GREB1L: variants seen among roughly 807,000 people sequenced by gnomAD.
The protein encoded by GREB1L is GREB1-like protein.
In GREB1L, 17 loss-of-function variants were observed where a neutral mutation model predicts 200.8. That is an observed-to-expected ratio of 0.08 (90% confidence interval 0.06 to 0.13). GREB1L has a LOEUF of 0.13. Among genes scored for constraint, GREB1L ranks in the 10% least tolerant of loss-of-function variants. The pLI, the probability that GREB1L is intolerant of heterozygous loss-of-function variation, is 1.00. For synonymous variants in GREB1L, 789 were observed against 893.0 expected, an observed-to-expected ratio of 0.88 and a Z score of 2.08; for missense variants, 1,657 against 2,367.7, an observed-to-expected ratio of 0.70 and a Z score of 6.23.
At chr18:21,367,904 C>A (rs1057369066) in intron 2 of GREB1L, among the ~76,000 whole-genome samples, 18 of 152,204 alleles carry the variant, frequency 1.2e-4, no homozygotes, top group Middle Eastern at 3.4e-3. Context: ...CTCAAGAGAC[C>A]GCTTATATGA....
At chr18:21,454,226 A>G (rs2034653197) in intron 14 of GREB1L, 140 bp from the exon 15 acceptor site, 1 of 635,890 alleles carries the variant, frequency 1.6e-6, no homozygotes, top group African/African-American at 1.8e-5. Flanking sequence ...AACTCAATAG[A>G]GAGTGCAAAT....
chr18:21,363,279 T>TCCCCCCCCCC (rs71369899), intron 1 of GREB1L, among the ~76,000 whole-genome samples: 1 of 5,022 alleles, frequency 2.0e-4, no homozygotes, highest in Non-Finnish European at 3.6e-4. Flanking sequence ...CCACTCCGCC[T>TCCCCCCCCCC]CCCCCCCGCC....
rs373406570 is a variant in GREB1L at position 21,492,356 on chromosome 18, GAAAGAA to G, written c.3030+2018_3030+2023del. Among the ~76,000 whole-genome samples, 105 of 151,598 alleles carry G rather than the reference GAAAGAA, an allele frequency of 6.9e-4. 1 individual carries two copies. In the East Asian group the frequency reaches 0.011, roughly 16 times the overall value. On this transcript the variant is annotated intron_variant, in intron 19 of 32. Coordinates refer to ENST00000424526, the MANE Select transcript of GREB1L (RefSeq NM_001142966.3). ...GCAAGACTCTGTCTCAAAAAAAAAA[GAAAGAA>G]AAAGAAAAAGAATTTGGAAAGGCGG... is the stretch of plus-strand genomic sequence containing the variant.
intron 1 of GREB1L, among the ~76,000 whole-genome samples, chr18:21,302,267 AG>A (rs2038629019): frequency 6.6e-6 from 1 of 152,244 alleles, no homozygotes; most frequent in Non-Finnish European, 1.5e-5. Flanking sequence ...AATAGTAAGT[AG>A]TAGTATGCTT....
At chr18:21,305,151 T>G (rs1468931967) in intron 1 of GREB1L, among the ~76,000 whole-genome samples, 1 of 152,080 alleles carries the variant, frequency 6.6e-6, no homozygotes, top group Non-Finnish European at 1.5e-5. Context: ...AATTTCTGTA[T>G]TTTTAGTAGA....
intron 2 of GREB1L, among the ~76,000 whole-genome samples, chr18:21,371,568 A>C (rs1278198837): frequency 6.6e-6 from 1 of 151,324 alleles, no homozygotes; most frequent in African/African-American, 2.4e-5. Flanking sequence ...TGGGCGGATC[A>C]TGAGATCAGG....
At chr18:21,321,230 G>T (rs1386452530) in intron 1 of GREB1L, among the ~76,000 whole-genome samples, 1 of 151,982 alleles carries the variant, frequency 6.6e-6, no homozygotes, top group East Asian at 1.9e-4. Context: ...GGGAGGTGGA[G>T]GTTTCAGTGA....
chr18:21,282,025 C>A (rs2038277955), intron 1 of GREB1L, among the ~76,000 whole-genome samples: 1 of 152,026 alleles, frequency 6.6e-6, no homozygotes, highest in Non-Finnish European at 1.5e-5. Context: ...GTAATCCCAG[C>A]ACTTTGGGAG....
chr18:21,417,659 TAGC>T (rs933649801), intron 7 of GREB1L, among the ~76,000 whole-genome samples: 1 of 152,082 alleles, frequency 6.6e-6, no homozygotes, highest in East Asian at 1.9e-4. Flanking sequence ...ATGGACTTGA[TAGC>T]AGATGAAAAT....
chr18:21,462,283 A>T (rs1188747934), intron 15 of GREB1L, among the ~76,000 whole-genome samples: 6 of 152,260 alleles, frequency 3.9e-5, no homozygotes, highest in Non-Finnish European at 8.8e-5. Context: ...GTGATAAATT[A>T]AGTTAGTAAG....
chr18:21,399,563 T>G (rs2041231709), intron 5 of GREB1L, among the ~76,000 whole-genome samples: 1 of 152,040 alleles, frequency 6.6e-6, no homozygotes, highest in Admixed American at 6.6e-5. Context: ...ACTGGCAACC[T>G]TTTTTTGGCG....
At chr18:21,460,728 C>T (rs1297588712) in intron 15 of GREB1L, among the ~76,000 whole-genome samples, 3 of 152,110 alleles carry the variant, frequency 2.0e-5, no homozygotes, top group Non-Finnish European at 4.4e-5. Context: ...CAGACTTCAT[C>T]CCTCATCCTT....
At position 21,523,656 on chromosome 18, in the gene GREB1L, C is replaced by T. The variant is rs776262315; in HGVS notation, c.*835C>T. The T allele has an allele frequency of 5.3e-5, 8 of 152,208 alleles. No individual in the cohort carries two copies. Among genetic ancestry groups the T allele is most frequent in the South Asian group, 2.1e-4 (1 of 4,830 alleles). 9.4% of individuals were successfully genotyped at this position (152,208 alleles called of 1,614,324 possible). A position where few individuals can be genotyped will look rare whatever the true frequency, so the allele number is the denominator to read the frequency against. On this transcript the variant is annotated 3_prime_UTR_variant, in exon 33 of 33. Coordinates refer to ENST00000424526, the MANE Select transcript of GREB1L (RefSeq NM_001142966.3). ...CTTTCAGCAGGTAACCTGCACCCAC[C>T]GTTTGGTTGGAATTAAGCAGTTGGC...
At chr18:21,414,887 TA>T in intron 7 of GREB1L, among the ~76,000 whole-genome samples, 1 of 152,076 alleles carries the variant, frequency 6.6e-6, no homozygotes, top group Middle Eastern at 3.2e-3. Context: ...AAAAAAATTT[TA>T]AATACACTAT....
intron 18 of GREB1L, among the ~76,000 whole-genome samples, chr18:21,487,926 A>G (rs1306369474): frequency 1.3e-5 from 2 of 151,568 alleles, no homozygotes; most frequent in Non-Finnish European, 2.9e-5. Flanking sequence ...CAGGAGAATC[A>G]CTTGAACCTG....
In GREB1L at chr18:21,397,429, G is replaced by A. The variant is rs936541441; in HGVS notation, c.532+1868G>A. Among the ~76,000 whole-genome samples the A allele has an allele frequency of 6.6e-5, 10 of 151,888 alleles. No homozygotes were observed. In the East Asian group the frequency reaches 1.9e-3, roughly 29 times the overall value. Reference sequence around the variant, plus strand: ...AGTCCCAGCTACTTGGGAGGCTGAGGCAGGAGAATGGCGTGAACCCGGGAG... The same window carrying A: ...AGTCCCAGCTACTTGGGAGGCTGAGACAGGAGAATGGCGTGAACCCGGGAG... On this transcript the variant is annotated intron_variant, in intron 5 of 32. Coordinates refer to ENST00000424526, the MANE Select transcript of GREB1L (RefSeq NM_001142966.3).
Position 21,490,431 on chromosome 18 carries a change from GC to G in GREB1L, c.3030+82del, listed in dbSNP as rs146972661. The G allele has an allele frequency of 1.6e-3, 1,997 of 1,211,904 alleles. 28 individuals are homozygous for G. The African/African-American group carries it at 0.028, about 17-fold the overall frequency. 75.1% of individuals were successfully genotyped at this position (1,211,904 alleles called of 1,614,324 possible). A position where few individuals can be genotyped will look rare whatever the true frequency, so the allele number is the denominator to read the frequency against. ...GGAATCCTACATAGGTGGCTCAGGG[GC>G]CTGAGTTTAATAGAATCACATGTGT... On this transcript the variant is annotated intron_variant, in intron 19 of 32. Coordinates refer to ENST00000424526, the MANE Select transcript of GREB1L (RefSeq NM_001142966.3).
chr18:21,432,297 T>G (rs180750649), intron 7 of GREB1L, among the ~76,000 whole-genome samples: 1 of 152,350 alleles, frequency 6.6e-6, no homozygotes, highest in African/African-American at 2.4e-5. Flanking sequence ...CTATAAAATT[T>G]TGCCATGCAG....
In GREB1L at chr18:21,445,332, G is replaced by T. The variant is rs960643984; in HGVS notation, c.1393+923G>T. Reference sequence around the variant, plus strand: ...TCTACTAAAAATACAAAATTAGCTGGGCGTGGTGGCGCATGCCTGTAATCC... The same window carrying T: ...TCTACTAAAAATACAAAATTAGCTGTGCGTGGTGGCGCATGCCTGTAATCC... On this transcript the variant is annotated intron_variant, in intron 11 of 32. Transcript: ENST00000424526. Among the ~76,000 whole-genome samples the T allele has an allele frequency of 2.0e-5, 3 of 152,286 alleles. No homozygotes were observed. The East Asian group carries it at 5.8e-4, about 29-fold the overall frequency.
Sources: gnomAD v4.1 joint callset for allele counts (sites outside exome capture counted in the v4.1 genomes callset) on GRCh38, gnomAD v4.1.1 for gene constraint, MANE v1.5 for transcripts, NCBI Gene and HGNC (gene_info 2026-07-23, HGNC 2026-07-21) for gene names.